Variants in CTIF observed in about 807,000 individuals in gnomAD.
The protein encoded by CTIF is CBP80/20-dependent translation initiation factor.
CTIF carries 21 observed loss-of-function variants against 66.0 expected under a neutral mutation model. The observed-to-expected ratio is 0.32, with a 90% CI of 0.23 to 0.46. The LOEUF (loss-of-function observed/expected upper bound fraction) is 0.46. Ranked by LOEUF, CTIF falls within the 20% of genes least tolerant of loss-of-function variation. The pLI, the probability that CTIF is intolerant of heterozygous loss-of-function variation, is 1.00. For synonymous variants in CTIF, 345 were observed against 326.4 expected, an observed-to-expected ratio of 1.06 and a Z score of -0.62; for missense variants, 739 against 812.7, an observed-to-expected ratio of 0.91 and a Z score of 1.10.
intron 2 of CTIF, among the ~76,000 whole-genome samples, chr18:48,620,920 G>A (rs2090481164): frequency 6.6e-6 from 1 of 151,988 alleles, no homozygotes; most frequent in African/African-American, 2.4e-5. Context: ...TGAAGCCACA[G>A]TAATCCCATG....
chr18:48,709,749 G>T (rs559043377), intron 6 of CTIF, among the ~76,000 whole-genome samples: 8 of 152,290 alleles, frequency 5.3e-5, no homozygotes, highest in East Asian at 3.9e-4. Flanking sequence ...CCTTATTTGT[G>T]TTTTGTATTA....
rs757106476 is a variant in CTIF, at chr18:48,664,494, T to C, written c.374T>C (p.Phe125Ser). Residue 125 changes from phenylalanine to serine, a missense_variant, in exon 5 of 12, where the codon TTC becomes TCC. By Grantham distance (155) the Phe-to-Ser change is radical. Around this residue, in one of 2 missense-constraint regions of CTIF, gnomAD observed 529 missense variants for 520.3 expected, o/e 1.02. Transcript: ENST00000256413. The stretch of plus-strand genomic sequence containing the variant: ...CCGGAAAAGCTGGACTTCACCCAGT[T>C]CCACCGCAAAGTCCGACACACGCCC... ...LQPEKLDFTQ[F>S]HRKVRHTPKQ... 5.6e-6 allele frequency: 9 copies of C among 1,613,564 alleles called. No individual in the cohort carries two copies. The highest frequency in any genetic ancestry group is 7.6e-6 in the Non-Finnish European group (9 of 1,179,976).
intron 1 of CTIF, among the ~76,000 whole-genome samples, chr18:48,595,677 T>C (rs143038566): frequency 2.6e-5 from 4 of 152,276 alleles, no homozygotes; most frequent in Non-Finnish European, 5.9e-5. Flanking sequence ...TCCTCCCACA[T>C]TGGTCTCCCA....
chr18:48,767,579 A>C (rs1909696768), intron 9 of CTIF, among the ~76,000 whole-genome samples: 1 of 152,202 alleles, frequency 6.6e-6, no homozygotes, highest in South Asian at 2.1e-4. Context: ...ACCGTTGCCA[A>C]CAACACATCT....
chr18:48,808,643 T>A (rs967293721), intron 9 of CTIF, among the ~76,000 whole-genome samples: 5 of 152,140 alleles, frequency 3.3e-5, no homozygotes, highest in Admixed American at 2.0e-4. Flanking sequence ...CACTGTTGCT[T>A]GAGTGAATAA....
At chr18:48,569,427 T>C (rs1028331310) in intron 1 of CTIF, among the ~76,000 whole-genome samples, 4 of 149,398 alleles carry the variant, frequency 2.7e-5, no homozygotes, top group African/African-American at 9.9e-5. Flanking sequence ...CCCAGCAAAC[T>C]TAGAATAGAT....
chr18:48,815,819 A>G (rs571185985), intron 9 of CTIF, among the ~76,000 whole-genome samples: 7 of 152,226 alleles, frequency 4.6e-5, no homozygotes, highest in African/African-American at 1.7e-4. Context: ...GGGCTGTGGG[A>G]ATGCTCTGAG....
chr18:48,834,836 T>TC (rs1378587618), intron 10 of CTIF: 3 of 152,616 alleles, frequency 2.0e-5, no homozygotes, highest in Non-Finnish European at 4.4e-5. Context: ...TGTGGATGTG[T>TC]CCCCCGGAGC....
rs554948212 is a variant in CTIF at position 48,606,555 on chromosome 18, C to T, written c.-28-12983C>T. On this transcript the variant is annotated intron_variant, in intron 1 of 11. Coordinates refer to ENST00000256413, the MANE Select transcript of CTIF (RefSeq NM_014772.3). ...CCCTCCAGACCTCCCTAAATGACTT[C>T]GGACTCCCTGGAGAGTACATAACTT... is the stretch of plus-strand genomic sequence containing the variant. Among the ~76,000 whole-genome samples, 19 of 152,332 alleles carry T rather than the reference C, an allele frequency of 1.2e-4. No individual in the cohort carries two copies. In the East Asian group the frequency reaches 3.5e-3, roughly 28 times the overall value.
intron 1 of CTIF, among the ~76,000 whole-genome samples, chr18:48,581,049 A>G (rs2089645100): frequency 2.0e-5 from 3 of 152,156 alleles, no homozygotes; most frequent in Admixed American, 2.0e-4. Flanking sequence ...CGATGCCACA[A>G]TTTTGCTGTG....
At chr18:48,737,669 T>C (rs1443007999) in intron 7 of CTIF, among the ~76,000 whole-genome samples, 1 of 152,148 alleles carries the variant, frequency 6.6e-6, no homozygotes, top group African/African-American at 2.4e-5. Flanking sequence ...ACTGTTTCTC[T>C]CTGAAAAGAC....
rs892292712 is a variant in CTIF, at chr18:48,769,551, G to T, written c.1371+7862G>T. Among the ~76,000 whole-genome samples the T allele has an allele frequency of 3.9e-5, 6 of 152,238 alleles. No individual in the cohort carries two copies. The South Asian group carries it at 1.0e-3, about 26-fold the overall frequency. ...TTTCCCTGAAGGTGGGCACCAACAG[G>T]CCTCGTCAGGCTGGCCTGGCATCAC... is the stretch of plus-strand genomic sequence containing the variant. On this transcript the variant is annotated intron_variant, in intron 9 of 11. Transcript: ENST00000256413.
chr18:48,748,026 A>G (rs563770375), intron 7 of CTIF, among the ~76,000 whole-genome samples: 33 of 152,258 alleles, frequency 2.2e-4, no homozygotes, highest in African/African-American at 7.9e-4. Context: ...TAATGGAGAA[A>G]GCAGCCCTTT....
chr18:48,546,403 G>A (rs1234276595), intron 1 of CTIF, among the ~76,000 whole-genome samples: 5 of 152,152 alleles, frequency 3.3e-5, no homozygotes, highest in Non-Finnish European at 7.3e-5. Flanking sequence ...GTTTCCATAA[G>A]CACGTCCAAA....
At chr18:48,617,319 A>G (rs572212578) in intron 1 of CTIF, among the ~76,000 whole-genome samples, 9 of 152,288 alleles carry the variant, frequency 5.9e-5, no homozygotes, top group African/African-American at 1.9e-4. Context: ...TCCCAGATTT[A>G]ATGGGCTCAA....
intron 9 of CTIF, among the ~76,000 whole-genome samples, chr18:48,766,274 A>G (rs925602676): frequency 6.6e-6 from 1 of 152,084 alleles, no homozygotes; most frequent in Non-Finnish European, 1.5e-5. Flanking sequence ...CGTTTCAAAC[A>G]TGCTCCTGGT....
chr18:48,737,829 A>G (rs2092517415), intron 7 of CTIF, among the ~76,000 whole-genome samples: 1 of 152,232 alleles, frequency 6.6e-6, no homozygotes, highest in African/African-American at 2.4e-5. Context: ...CTGACCTTAC[A>G]ACCATGTTAA....
At chr18:48,723,881 T>A (rs961510056) in intron 7 of CTIF, among the ~76,000 whole-genome samples, 1 of 152,178 alleles carries the variant, frequency 6.6e-6, no homozygotes, top group Admixed American at 6.5e-5. Flanking sequence ...GTTTGGAATA[T>A]TTTGGGAGGC....
chr18:48,665,990 T>C (rs1227521081), intron 5 of CTIF, among the ~76,000 whole-genome samples: 1 of 152,222 alleles, frequency 6.6e-6, no homozygotes, highest in Non-Finnish European at 1.5e-5. Context: ...ATTGCTGGGT[T>C]GTATGGTAAT....
Sources: gnomAD v4.1 joint callset for allele counts (sites outside exome capture counted in the v4.1 genomes callset) on GRCh38, gnomAD v4.1.1 for gene constraint, gnomAD v4.1.1 regional missense constraint, MANE v1.5 for transcripts, NCBI Gene and HGNC (gene_info 2026-07-23, HGNC 2026-07-21) for gene names.